SPOCK3: variants seen among roughly 807,000 people sequenced by gnomAD.
SPOCK3 encodes the protein testican-3.
A neutral mutation model predicts 56.6 loss-of-function variants in SPOCK3; 30 were observed. The observed-to-expected ratio is 0.53, with a 90% confidence interval of 0.40 to 0.72. The LOEUF (loss-of-function observed/expected upper bound fraction) is 0.72. Ranked by LOEUF, SPOCK3 falls within the 30% of genes least tolerant of loss-of-function variation. SPOCK3 has a pLI of 0.00. For missense variants in SPOCK3, 527 were observed against 530.0 expected (o/e 0.99, Z 0.06); for synonymous variants, 196 against 183.3 (o/e 1.07, Z -0.56).
intron 2 of SPOCK3, among the ~76,000 whole-genome samples, chr4:167,219,651 T>C (rs1047986533): frequency 6.6e-6 from 1 of 152,148 alleles, no homozygotes; most frequent in Non-Finnish European, 1.5e-5. Context: ...CATAAAGATT[T>C]CAAGTTGACT....
intron 2 of SPOCK3, among the ~76,000 whole-genome samples, chr4:167,219,621 A>G (rs1735705115): frequency 6.6e-6 from 1 of 152,074 alleles, no homozygotes; most frequent in Non-Finnish European, 1.5e-5. Flanking sequence ...AGAACTCACA[A>G]AATTATCTAG....
At chr4:166,989,137 A>G (rs1747498112) in intron 4 of SPOCK3, among the ~76,000 whole-genome samples, 1 of 152,042 alleles carries the variant, frequency 6.6e-6, no homozygotes, top group Non-Finnish European at 1.5e-5. Flanking sequence ...AAACCAGTAG[A>G]CCTGTGGGAT....
chr4:166,961,232 G>A, intron 4 of SPOCK3, among the ~76,000 whole-genome samples: 1 of 147,776 alleles, frequency 6.8e-6, no homozygotes, highest in African/African-American at 2.6e-5. Context: ...TTAAATACGT[G>A]AGTCTTACCC....
chr4:167,194,614 G>A (rs1302865070), intron 2 of SPOCK3, among the ~76,000 whole-genome samples: 1 of 152,182 alleles, frequency 6.6e-6, no homozygotes, highest in Non-Finnish European at 1.5e-5. Flanking sequence ...TTAGTGCCTT[G>A]GCTGATATGA....
At chr4:166,842,221 G>A (rs947051376) in intron 6 of SPOCK3, among the ~76,000 whole-genome samples, 2 of 152,208 alleles carry the variant, frequency 1.3e-5, no homozygotes, top group Non-Finnish European at 2.9e-5. Flanking sequence ...CTTCCACGGT[G>A]AGGAAGAGGA....
intron 4 of SPOCK3, among the ~76,000 whole-genome samples, chr4:166,979,573 C>A (rs1189295628): frequency 6.6e-6 from 1 of 152,138 alleles, no homozygotes; most frequent in Non-Finnish European, 1.5e-5. Context: ...CAGAACAAAA[C>A]AGCCAACAAC....
rs567895648 is a variant in SPOCK3, at chr4:166,893,623, A to T, written c.475-4379T>A. On this transcript the variant is annotated intron_variant, in intron 5 of 10. Coordinates refer to ENST00000357545, the MANE Select transcript of SPOCK3 (RefSeq NM_001040159.2). The stretch of plus-strand genomic sequence containing the variant: ...TGAAATGGGATTCAAGCACTATTTT[A>T]TAGTTCTAATGTAGAACAAGTATGT... 6.7e-4 allele frequency among the ~76,000 whole-genome samples: 102 copies of T among 152,298 alleles called. 4 individuals carry two copies. The South Asian group carries it at 8.9e-3, about 13-fold the overall frequency.
intron 7 of SPOCK3, among the ~76,000 whole-genome samples, chr4:166,790,861 T>C (rs1263613546): frequency 6.6e-6 from 1 of 152,142 alleles, no homozygotes; most frequent in Non-Finnish European, 1.5e-5. Context: ...GGTGTGAACA[T>C]GAATCTTTAA....
At chr4:166,950,778 A>C (rs1742489229) in intron 4 of SPOCK3, among the ~76,000 whole-genome samples, 1 of 150,162 alleles carries the variant, frequency 6.7e-6, no homozygotes, top group African/African-American at 2.5e-5. Flanking sequence ...AGAATTAAGA[A>C]TCTCACTCAA....
At chr4:166,769,599 T>A (rs547092439) in intron 7 of SPOCK3, among the ~76,000 whole-genome samples, 2 of 152,054 alleles carry the variant, frequency 1.3e-5, no homozygotes, top group Non-Finnish European at 2.9e-5. Flanking sequence ...CTGCCCCTAC[T>A]TGGGGGGTGC....
At chr4:166,770,642 A>T (rs1232225058) in intron 7 of SPOCK3, among the ~76,000 whole-genome samples, 1 of 152,200 alleles carries the variant, frequency 6.6e-6, no homozygotes, top group Non-Finnish European at 1.5e-5. Flanking sequence ...AAAATAAAAT[A>T]ATACCAAGAT....
At position 166,841,293 on chromosome 4, in the gene SPOCK3, TG is replaced by T. The variant is rs552054210; in HGVS notation, c.589+47836del. 3.1e-3 allele frequency among the ~76,000 whole-genome samples: 475 copies of T among 152,324 alleles called. 1 individual carries two copies. The highest frequency in any genetic ancestry group is 0.011 in the African/African-American group (459 of 41,566). On this transcript the variant is annotated intron_variant, in intron 6 of 10. Coordinates refer to ENST00000357545, the MANE Select transcript of SPOCK3 (RefSeq NM_001040159.2). ...CTTCAATCATTTCCATTTCTGTCTGTGGAGTTCCAGATGTTAGCCATACCAG... is the reference window on the plus strand; with the variant it reads ...CTTCAATCATTTCCATTTCTGTCTGTGAGTTCCAGATGTTAGCCATACCAG...
At chr4:167,181,390 G>A (rs757971012) in intron 2 of SPOCK3, among the ~76,000 whole-genome samples, 19 of 152,230 alleles carry the variant, frequency 1.2e-4, no homozygotes, top group South Asian at 4.1e-4. Flanking sequence ...GTTATCTTCT[G>A]AAACTGTTGG....
intron 2 of SPOCK3, among the ~76,000 whole-genome samples, chr4:167,139,535 T>C (rs1490321788): frequency 6.6e-6 from 1 of 151,996 alleles, no homozygotes; most frequent in Non-Finnish European, 1.5e-5. Context: ...TGGGTAATAA[T>C]TAATAGTCAA....
chr4:166,970,155 T>A (rs1476331051), intron 4 of SPOCK3, among the ~76,000 whole-genome samples: 1 of 152,200 alleles, frequency 6.6e-6, no homozygotes, highest in Admixed American at 6.5e-5. Context: ...GTATGCTGAC[T>A]CCCCCACTTC....
chr4:166,853,169 G>C lies in SPOCK3; in HGVS notation c.589+35961C>G, dbSNP rs185171234. Among the ~76,000 whole-genome samples the C allele has an allele frequency of 8.1e-3, 1,239 of 152,142 alleles. 5 individuals are homozygous for C. Among genetic ancestry groups the C allele is most frequent in the Non-Finnish European group, 0.014 (962 of 67,986 alleles). On this transcript the variant is annotated intron_variant, in intron 6 of 10. Coordinates refer to ENST00000357545, the MANE Select transcript of SPOCK3 (RefSeq NM_001040159.2). ...TTGTATCCATTTAGATATTGAAATAGGTTGCTAGTATTTCTGAAAATTAAG... is the reference window on the plus strand; with the variant it reads ...TTGTATCCATTTAGATATTGAAATACGTTGCTAGTATTTCTGAAAATTAAG...
At chr4:167,068,352 G>A (rs1274608096) in intron 2 of SPOCK3, among the ~76,000 whole-genome samples, 1 of 151,542 alleles carries the variant, frequency 6.6e-6, no homozygotes, top group Non-Finnish European at 1.5e-5. Context: ...TAATAATAAT[G>A]TTGTTAAGCT....
chr4:166,778,401 C>T (rs186386985), intron 7 of SPOCK3, among the ~76,000 whole-genome samples: 28 of 152,220 alleles, frequency 1.8e-4, no homozygotes, highest in African/African-American at 5.3e-4. Flanking sequence ...AAAGCAAAAT[C>T]TGGGTAAATG....
intron 4 of SPOCK3, among the ~76,000 whole-genome samples, chr4:166,948,771 T>C (rs1180691098): frequency 1.3e-5 from 2 of 152,134 alleles, no homozygotes; most frequent in South Asian, 2.1e-4. Context: ...TGGCTGCCCT[T>C]AACATTTTTT....
Sources: gnomAD v4.1 joint callset for allele counts (sites outside exome capture counted in the v4.1 genomes callset) on GRCh38, gnomAD v4.1.1 for gene constraint, MANE v1.5 for transcripts, NCBI Gene and HGNC (gene_info 2026-07-23, HGNC 2026-07-21) for gene names.